SNAP91: variants seen among roughly 807,000 people sequenced by gnomAD.
The protein encoded by SNAP91 is clathrin coat assembly protein AP180.
SNAP91 carries 27 observed loss-of-function variants against 100.3 expected under a neutral mutation model. The observed-to-expected ratio is 0.27, with a 90% CI of 0.20 to 0.37. SNAP91 has a LOEUF of 0.37. Ranked by LOEUF, SNAP91 falls within the 10% of genes least tolerant of loss-of-function variation. SNAP91 has a pLI of 1.00. For missense variants in SNAP91, 986 were observed against 1,123.7 expected (o/e 0.88, Z 1.75); for synonymous variants, 404 against 398.6 (o/e 1.01, Z -0.16).
At chr6:83,578,727 C>T (rs1823560536) in intron 24 of SNAP91, among the ~76,000 whole-genome samples, 1 of 152,092 alleles carries the variant, frequency 6.6e-6, no homozygotes, top group African/African-American at 2.4e-5. Flanking sequence ...AAAAGTATTA[C>T]ATTTTGATAT....
chr6:83,702,332 T>C (rs1487793012), intron 2 of SNAP91, among the ~76,000 whole-genome samples: 6 of 152,096 alleles, frequency 3.9e-5, no homozygotes, highest in Admixed American at 3.9e-4. Flanking sequence ...TTTACCAAGA[T>C]AAGCTCCAAA....
rs2097270006 is a variant in SNAP91, at chr6:83,632,943, A to T, written c.765+8153T>A. Among the ~76,000 whole-genome samples the T allele has an allele frequency of 2.0e-5, 3 of 151,948 alleles. No homozygotes were observed. In the South Asian group the frequency reaches 6.2e-4, roughly 32 times the overall value. On this transcript the variant is annotated intron_variant, in intron 8 of 29. Transcript: ENST00000369694. ...TGGTGAGCTAGTGTGATTTTTTTGGAGGATTTAAAGAACCTTATTTTGTCA... is the reference window on the plus strand; with the variant it reads ...TGGTGAGCTAGTGTGATTTTTTTGGTGGATTTAAAGAACCTTATTTTGTCA...
intron 25 of SNAP91, 194 bp from the exon 26 acceptor site, chr6:83,575,315 T>A: frequency 1.8e-6 from 1 of 565,246 alleles, no homozygotes; most frequent in Non-Finnish European, 3.1e-6. Flanking sequence ...TAAAAGCATT[T>A]GAAAAAAAAT....
At position 83,670,758 on chromosome 6, in the gene SNAP91, A is replaced by C. The variant is rs74969483; in HGVS notation, c.131-5177T>G. 9.8e-3 allele frequency among the ~76,000 whole-genome samples: 1,490 copies of C among 152,014 alleles called. 22 individuals carry two copies. The highest frequency in any genetic ancestry group is 0.034 in the African/African-American group (1,426 of 41,532). On this transcript the variant is annotated intron_variant, in intron 2 of 29. Transcript: ENST00000369694. ...TTCCAATGCCATTTGCTGAAAAAAA[A>C]CTATTCTTTCTCCAGTGAATTGCCT...
chr6:83,554,610 GCAGCCAAC>G (rs1774894322), intron 29 of SNAP91, among the ~76,000 whole-genome samples: 1 of 152,090 alleles, frequency 6.6e-6, no homozygotes, highest in Non-Finnish European at 1.5e-5. Flanking sequence ...GTATCTAAGA[GCAGCCAAC>G]CTTTAAAAAG....
chr6:83,567,878 C>T (rs1383705477), intron 26 of SNAP91, among the ~76,000 whole-genome samples: 2 of 151,954 alleles, frequency 1.3e-5, no homozygotes, highest in Admixed American at 1.3e-4. Flanking sequence ...GAAATAGGAA[C>T]ACTTTTACAC....
intron 26 of SNAP91, among the ~76,000 whole-genome samples, chr6:83,568,671 G>A (rs1456898125): frequency 1.3e-5 from 2 of 152,066 alleles, no homozygotes; most frequent in Admixed American, 1.3e-4. Flanking sequence ...TCTGAAAAGT[G>A]TTATAGCTAC....
At chr6:83,667,126 A>G (rs984960122) in intron 2 of SNAP91, among the ~76,000 whole-genome samples, 4 of 152,124 alleles carry the variant, frequency 2.6e-5, no homozygotes, top group African/African-American at 9.7e-5. Context: ...AGCGCATAAC[A>G]TTACAAAATA....
chr6:83,560,763 T>C (rs1419983634), intron 27 of SNAP91, 101 bp downstream of exon 27: 1 of 1,049,970 alleles, frequency 9.5e-7, no homozygotes, highest in African/African-American at 1.6e-5. Context: ...ACTTACTGTG[T>C]TTTGGGAAAA....
At chr6:83,614,104 T>C (rs2096327351) in intron 11 of SNAP91, among the ~76,000 whole-genome samples, 1 of 152,162 alleles carries the variant, frequency 6.6e-6, no homozygotes, top group Non-Finnish European at 1.5e-5. Flanking sequence ...GTCATAACAA[T>C]AATCCCTACA....
chr6:83,556,389 GAGAGAGAA>G lies in SNAP91; in HGVS notation c.2632-152_2632-145del, dbSNP rs200311423. ...AGAGAGAGAGAGAGAGAGAGAGAGA[GAGAGAGAA>G]AAGCATTAGGCAGAACACATATCAA... On this transcript the variant is annotated intron_variant, in intron 28 of 29. Transcript: ENST00000369694. 8.0e-4 allele frequency: 393 copies of G among 493,002 alleles called. 25 individuals are homozygous for G. Among genetic ancestry groups the G allele is most frequent in the African/African-American group, 5.8e-3 (276 of 47,682 alleles). 30.5% of individuals were successfully genotyped at this position (493,002 alleles called of 1,614,324 possible).
intron 28 of SNAP91, among the ~76,000 whole-genome samples, chr6:83,556,625 G>A (rs997849560): frequency 4.6e-5 from 7 of 152,120 alleles, no homozygotes; most frequent in Non-Finnish European, 8.8e-5. Flanking sequence ...ACTTAGGGAA[G>A]ATGTGAAACA....
At chr6:83,697,687 C>T (rs906905896) in intron 2 of SNAP91, among the ~76,000 whole-genome samples, 1 of 152,216 alleles carries the variant, frequency 6.6e-6, no homozygotes, top group Middle Eastern at 3.4e-3. Flanking sequence ...TCCAATATTA[C>T]ACTTCTATTG....
At chr6:83,575,316 G>GA (rs3215619) in intron 25 of SNAP91, 195 bp from the exon 26 acceptor site, 120,617 of 559,092 alleles carry the variant, frequency 0.22, 14,244 homozygotes, top group South Asian at 0.27. Flanking sequence ...AAAAGCATTT[G>GA]AAAAAAAATC....
intron 2 of SNAP91, among the ~76,000 whole-genome samples, chr6:83,676,787 A>C (rs2098911625): frequency 6.6e-6 from 1 of 152,182 alleles, no homozygotes; most frequent in African/African-American, 2.4e-5. Flanking sequence ...TGGGTGAGGA[A>C]AGGGGAGTCA....
At chr6:83,599,885 A>G (rs541642457) in intron 16 of SNAP91, among the ~76,000 whole-genome samples, 2 of 152,214 alleles carry the variant, frequency 1.3e-5, no homozygotes, top group Admixed American at 1.3e-4. Context: ...CCTGGGCTCA[A>G]GCAATCCTCC....
intron 24 of SNAP91, among the ~76,000 whole-genome samples, chr6:83,577,720 T>C (rs987244857): frequency 1.3e-5 from 2 of 152,182 alleles, no homozygotes; most frequent in East Asian, 3.9e-4. Flanking sequence ...AAATGTTTTA[T>C]AAAAACATTT....
intron 2 of SNAP91, among the ~76,000 whole-genome samples, chr6:83,705,847 C>A (rs940975958): frequency 1.1e-4 from 16 of 151,902 alleles, no homozygotes; most frequent in African/African-American, 3.9e-4. Flanking sequence ...ATTACCCTCC[C>A]TGAACCCATT....
At chr6:83,678,788 C>T (rs1354183061) in intron 2 of SNAP91, 1 of 1,288,608 alleles carries the variant, frequency 7.8e-7, no homozygotes, top group African/African-American at 1.5e-5. Context: ...TGTTATTATT[C>T]TTGAACGCCC....
Sources: allele counts gnomAD v4.1 joint callset (sites outside exome capture counted in the v4.1 genomes callset), GRCh38; gene constraint gnomAD v4.1.1; transcripts MANE v1.5; gene names NCBI Gene and HGNC (gene_info 2026-07-23, HGNC 2026-07-21).